LEMD3: variants seen among roughly 807,000 people sequenced by gnomAD.
LEMD3 encodes the protein inner nuclear membrane protein Man1.
In LEMD3, 33 loss-of-function variants were observed where a neutral mutation model predicts 95.2. The observed-to-expected ratio is 0.35, with a 90% CI of 0.26 to 0.46. The LOEUF (loss-of-function observed/expected upper bound fraction) is 0.46, where lower values mean the gene tolerates loss of function less well. LEMD3 is among the 20% of genes least tolerant of loss of function. The pLI, the probability that LEMD3 is intolerant of heterozygous loss-of-function variation, is 1.00. For synonymous variants in LEMD3, 525 were observed against 474.6 expected, an observed-to-expected ratio of 1.11 and a Z score of -1.38; for missense variants, 1,210 against 1,192.8, an observed-to-expected ratio of 1.01 and a Z score of -0.21.
intron 1 of LEMD3, among the ~76,000 whole-genome samples, chr12:65,210,665 G>A (rs1869908997): frequency 6.6e-6 from 1 of 152,120 alleles, no homozygotes; most frequent in African/African-American, 2.4e-5. Context: ...AGGTGGAGCT[G>A]GGACTTGAAC....
At position 65,174,294 on chromosome 12, in the gene LEMD3, C is replaced by G. The variant is rs1398315560; in HGVS notation, c.1522+3176C>G. Among the ~76,000 whole-genome samples the G allele has an allele frequency of 4.6e-5, 7 of 152,098 alleles. No individual in the cohort carries two copies. The South Asian group carries it at 1.0e-3, about 22-fold the overall frequency. On this transcript the variant is annotated intron_variant, in intron 1 of 12. Coordinates refer to ENST00000308330, the MANE Select transcript of LEMD3 (RefSeq NM_014319.5). Reference sequence around the variant, plus strand: ...GGATTAGATGATCCCTAAGCTCTTTCCAGCTCCAAGATTTAAGATTTTAAC... The same window carrying G: ...GGATTAGATGATCCCTAAGCTCTTTGCAGCTCCAAGATTTAAGATTTTAAC...
intron 1 of LEMD3, among the ~76,000 whole-genome samples, chr12:65,180,633 A>G (rs1868872466): frequency 1.3e-5 from 2 of 152,162 alleles, no homozygotes; most frequent in Admixed American, 1.3e-4. Context: ...ATGTCAAGGT[A>G]TAGTTTAAAA....
chr12:65,225,859 C>T (rs1870433343), intron 4 of LEMD3, among the ~76,000 whole-genome samples: 1 of 152,230 alleles, frequency 6.6e-6, no homozygotes, highest in South Asian at 2.1e-4. Context: ...CGATTACAGG[C>T]ATGAGCCACT....
At chr12:65,180,492 TTCTTAGGAAATTAGC>T (rs1286384236) in intron 1 of LEMD3, among the ~76,000 whole-genome samples, 1 of 151,830 alleles carries the variant, frequency 6.6e-6, no homozygotes, top group African/African-American at 2.4e-5. Context: ...AAAAATATAT[TTCTTAGGAAATTAGC>T]TCTTCAAAAA....
chr12:65,209,303 G>A lies in LEMD3; in HGVS notation c.1523-1623G>A, dbSNP rs1340468922. 9.2e-5 allele frequency among the ~76,000 whole-genome samples: 14 copies of A among 152,152 alleles called. No individual in the cohort carries two copies. The East Asian group carries it at 2.3e-3, about 25-fold the overall frequency. On this transcript the variant is annotated intron_variant, in intron 1 of 12. Transcript: ENST00000308330. ...AGTAATTTTGTGTATAATCAAAAAA[G>A]CAATACTAGCATAGCTTTTTTTCAT...
chr12:65,240,978 G>A lies in LEMD3; in HGVS notation c.2196G>A (p.Thr732=), dbSNP rs138445113. Reference sequence around the variant, plus strand: ...CTGCTAATGAGTCTAGAGTTCGCACGGAAACACGAAGAATAGGTGGTGCAG... The same window carrying A: ...CTGCTAATGAGTCTAGAGTTCGCACAGAAACACGAAGAATAGGTGGTGCAG... The part of the protein sequence containing the change: ...FLAANESRVR[T]ETRRIGGADF... Residue 732 remains threonine, a synonymous_variant, in exon 9 of 13, where the codon ACG becomes ACA. Transcript: ENST00000308330. The A allele has an allele frequency of 3.7e-6, 6 of 1,614,056 alleles. No homozygotes were observed. Among genetic ancestry groups the A allele is most frequent in the Non-Finnish European group, 5.1e-6 (6 of 1,179,920 alleles).
rs1205351252 is a variant in LEMD3 at position 65,170,225 on chromosome 12, C to T, written c.629C>T (p.Pro210Leu). The change falls in exon 1 of 13, where the codon CCG becomes CTG. Residue 210 changes from proline to leucine, a missense_variant. Physicochemically the swap from Pro to Leu is moderately conservative, Grantham distance 98. Transcript: ENST00000308330. ...CCGGCGGGCCCCGAGCTGCAGACCC[C>T]GCCGGGGAAAGATGGAGCAGTGGAG... ...RRPAGPELQTPPGKDGAVEDE... is the reference protein window; with the variant it reads ...RRPAGPELQTLPGKDGAVEDE... 6.6e-7 allele frequency: 1 copy of T among 1,512,738 alleles called. No individual in the cohort carries two copies. The highest frequency in any genetic ancestry group is 1.4e-5 in the African/African-American group (1 of 72,444). The allele number at this position is 1,512,738 out of a possible 1,614,324, so 93.7% of individuals were successfully genotyped here.
chr12:65,200,730 C>T (rs930693837), intron 1 of LEMD3, among the ~76,000 whole-genome samples: 1 of 152,008 alleles, frequency 6.6e-6, no homozygotes, highest in Non-Finnish European at 1.5e-5. Flanking sequence ...TCAGATATGT[C>T]TTGCAAATAT....
At chr12:65,196,513 G>T (rs1239515951) in intron 1 of LEMD3, among the ~76,000 whole-genome samples, 1 of 151,310 alleles carries the variant, frequency 6.6e-6, no homozygotes, top group Non-Finnish European at 1.5e-5. Flanking sequence ...ACATAAAATT[G>T]GCTGACGTTC....
At chr12:65,218,237 T>C (rs1347619882) in intron 3 of LEMD3, among the ~76,000 whole-genome samples, 4 of 152,176 alleles carry the variant, frequency 2.6e-5, no homozygotes, top group African/African-American at 9.7e-5. Flanking sequence ...TGTGACATAG[T>C]TCCTATACCA....
At chr12:65,221,143 GTCTT>G (rs1286562652) in intron 4 of LEMD3, among the ~76,000 whole-genome samples, 1 of 144,012 alleles carries the variant, frequency 6.9e-6, no homozygotes, top group Non-Finnish European at 1.5e-5. Flanking sequence ...AACATGAGAT[GTCTT>G]TCTATTTATT....
chr12:65,222,892 A>T (rs1329943634), intron 4 of LEMD3, among the ~76,000 whole-genome samples: 1 of 151,850 alleles, frequency 6.6e-6, no homozygotes, highest in Non-Finnish European at 1.5e-5. Context: ...TTCTGCTTTG[A>T]TCCAATGCTT....
At chr12:65,228,771 T>G (rs911266653) in intron 4 of LEMD3, among the ~76,000 whole-genome samples, 44 of 152,244 alleles carry the variant, frequency 2.9e-4, no homozygotes, top group African/African-American at 1.1e-3. Context: ...ATGTATACAA[T>G]GTGTAATGAT....
intron 8 of LEMD3, 66 bp from the exon 9 acceptor site, chr12:65,240,843 T>C: frequency 7.3e-7 from 1 of 1,376,192 alleles, no homozygotes; most frequent in Non-Finnish European, 1.0e-6. Context: ...TTACCTCAGA[T>C]ACTAATATTT....
intron 1 of LEMD3, among the ~76,000 whole-genome samples, chr12:65,193,669 A>G (rs1869315456): frequency 6.6e-6 from 1 of 151,356 alleles, no homozygotes; most frequent in Non-Finnish European, 1.5e-5. Flanking sequence ...GGCTGCAACC[A>G]ATTATTAGAG....
chr12:65,244,303 G>C (rs374859729), intron 10 of LEMD3, among the ~76,000 whole-genome samples: 16 of 141,014 alleles, frequency 1.1e-4, no homozygotes, highest in South Asian at 6.8e-4. Flanking sequence ...CACACACACA[G>C]AGACAAACAC....
intron 1 of LEMD3, among the ~76,000 whole-genome samples, chr12:65,190,650 A>G (rs1025490903): frequency 5.3e-5 from 8 of 152,142 alleles, no homozygotes; most frequent in African/African-American, 1.9e-4. Context: ...ATGTCTCCCT[A>G]AAATGTATAA....
rs1871115697 is a variant in LEMD3 at position 65,246,599 on chromosome 12, A to T, written c.*274A>T. On this transcript the variant is annotated 3_prime_UTR_variant, in exon 13 of 13. Transcript: ENST00000308330. ...AACACTGACTTTATTAAGCATTTTCAGATGTGGTGGTTGTATTTTTGCCCC... is the reference window on the plus strand; with the variant it reads ...AACACTGACTTTATTAAGCATTTTCTGATGTGGTGGTTGTATTTTTGCCCC... The T allele has an allele frequency of 2.5e-6, 1 of 405,960 alleles. No individual in the cohort carries two copies. Among genetic ancestry groups the T allele is most frequent in the African/African-American group, 2.0e-5 (1 of 49,114 alleles). The allele number at this position is 405,960 out of a possible 1,614,324, so 25.1% of individuals were successfully genotyped here.
intron 1 of LEMD3, among the ~76,000 whole-genome samples, chr12:65,186,074 T>C (rs1221110310): frequency 6.6e-6 from 1 of 152,104 alleles, no homozygotes; most frequent in Non-Finnish European, 1.5e-5. Flanking sequence ...ATCTAAGATA[T>C]ATTAGGTTAT....
Sources: allele counts gnomAD v4.1 joint callset (sites outside exome capture counted in the v4.1 genomes callset), GRCh38; gene constraint gnomAD v4.1.1; transcripts MANE v1.5; gene names NCBI Gene and HGNC (gene_info 2026-07-23, HGNC 2026-07-21).